BCO1: variants seen among roughly 807,000 people sequenced by gnomAD.
The protein encoded by BCO1 is beta,beta-carotene 15,15'-dioxygenase.
A neutral mutation model predicts 56.3 loss-of-function variants in BCO1; 54 were observed. The observed-to-expected ratio is 0.96, with a 90% confidence interval of 0.77 to 1.20. BCO1 has a LOEUF of 1.20. Among genes scored for constraint, BCO1 ranks in the 50% most tolerant of loss-of-function variants. BCO1 has a pLI of 0.00. For synonymous variants in BCO1, 318 were observed against 266.1 expected (o/e 1.20, Z -1.90); for missense variants, 801 against 690.9 (o/e 1.16, Z -1.79).
chr16:81,260,724 G>C (rs977166973), intron 3 of BCO1, among the ~76,000 whole-genome samples: 57 of 152,238 alleles, frequency 3.7e-4, no homozygotes, highest in Non-Finnish European at 7.5e-4. Flanking sequence ...GATCAGGCTG[G>C]TCTTGAACTC....
intron 2 of BCO1, among the ~76,000 whole-genome samples, chr16:81,248,405 C>CAAAA (rs372084002): frequency 7.0e-4 from 71 of 101,996 alleles, no homozygotes; most frequent in East Asian, 1.9e-3. Flanking sequence ...CTCCCTCTCA[C>CAAAA]AAAAAAAAAA....
At chr16:81,265,444 T>C (rs1597361295) in intron 5 of BCO1, among the ~76,000 whole-genome samples, 1 of 145,880 alleles carries the variant, frequency 6.9e-6, no homozygotes, top group African/African-American at 2.6e-5. Flanking sequence ...CATTCATCCA[T>C]CCACCCACCA....
At chr16:81,281,598 G>A (rs1473946741) in intron 8 of BCO1, among the ~76,000 whole-genome samples, 1 of 152,166 alleles carries the variant, frequency 6.6e-6, no homozygotes, top group Non-Finnish European at 1.5e-5. Flanking sequence ...TGCAAAAATA[G>A]GTGTTATCGG....
intron 4 of BCO1, 24 bp downstream of exon 4, chr16:81,262,307 A>C: frequency 6.2e-7 from 1 of 1,606,714 alleles, no homozygotes; most frequent in African/African-American, 1.3e-5. Flanking sequence ...TGTAACCAGC[A>C]TCACTTCCTG....
intron 2 of BCO1, among the ~76,000 whole-genome samples, chr16:81,259,471 G>A (rs934513146): frequency 6.6e-6 from 1 of 152,068 alleles, no homozygotes; most frequent in Admixed American, 6.6e-5. Flanking sequence ...TCCAGCCTGG[G>A]CAACAAGAGC....
chr16:81,248,322 G>C (rs1905550964), intron 2 of BCO1, among the ~76,000 whole-genome samples: 2 of 145,598 alleles, frequency 1.4e-5, no homozygotes, highest in South Asian at 4.3e-4. Context: ...AGAATCGCTT[G>C]AACTCGGGAG....
chr16:81,255,302 A>G (rs543106981), intron 2 of BCO1, among the ~76,000 whole-genome samples: 2 of 151,874 alleles, frequency 1.3e-5, no homozygotes, highest in African/African-American at 4.8e-5. Context: ...CCAGATTACC[A>G]CTCGCTAGCT....
intron 2 of BCO1, among the ~76,000 whole-genome samples, chr16:81,256,775 C>T (rs1458246859): frequency 2.0e-5 from 3 of 152,014 alleles, no homozygotes; most frequent in African/African-American, 7.2e-5. Flanking sequence ...GTAGTCCCAG[C>T]TATTTGGGAA....
At chr16:81,284,723 G>C (rs1209444953) in intron 8 of BCO1, among the ~76,000 whole-genome samples, 1 of 152,004 alleles carries the variant, frequency 6.6e-6, no homozygotes, top group African/African-American at 2.4e-5. Flanking sequence ...GGCCTCAAGC[G>C]ATCCTCCCAT....
rs1366579505 is a variant in BCO1, at chr16:81,290,717, A to T, written c.*140A>T. 1.5e-6 allele frequency: 1 copy of T among 658,806 alleles called. No individual in the cohort carries two copies. The highest frequency in any genetic ancestry group is 1.8e-5 in the African/African-American group (1 of 55,078). The allele number at this position is 658,806 out of a possible 1,614,324, so 40.8% of individuals were successfully genotyped here. A position where few individuals can be genotyped will look rare whatever the true frequency, so the allele number is the denominator to read the frequency against. On this transcript the variant is annotated 3_prime_UTR_variant, in exon 11 of 11. Coordinates refer to ENST00000258168, the MANE Select transcript of BCO1 (RefSeq NM_017429.3). ...TGCTTTGACAAGGGCATGGCAAGAG[A>T]GCTTGTCAGTATCATTTCTTTCATT...
rs1157544952 is a variant in BCO1, at chr16:81,285,351, G to T, written c.1208-189G>T. Among the ~76,000 whole-genome samples the T allele has an allele frequency of 3.3e-5, 5 of 152,158 alleles. No homozygotes were observed. The East Asian group carries it at 7.7e-4, about 23-fold the overall frequency. On this transcript the variant is annotated intron_variant, in intron 8 of 10. Coordinates refer to ENST00000258168, the MANE Select transcript of BCO1 (RefSeq NM_017429.3). ...TCCTGGACTCTCTAATAGAGCTGGG[G>T]TAATTAAATTACCAGAGGCTCCCTC...
Position 81,264,932 on chromosome 16 carries a change from C to G in BCO1, c.619+145C>G, listed in dbSNP as rs72833320. 0.071 allele frequency: 62,959 copies of G among 884,326 alleles called. 2,811 individuals are homozygous for G. Among genetic ancestry groups the G allele is most frequent in the Admixed American group, 0.12 (5,738 of 46,342 alleles). The allele number at this position is 884,326 out of a possible 1,614,324, so 54.8% of individuals were successfully genotyped here. A position where few individuals can be genotyped will look rare whatever the true frequency, so the allele number is the denominator to read the frequency against. ...AGGTGGACCATGAAGTCAGTACTTT[C>G]CTTTAGAAGAGAAGAGGAGATGCTG... On this transcript the variant is annotated intron_variant, in intron 5 of 10. Transcript: ENST00000258168.
rs796954071 is a variant in BCO1, at chr16:81,272,967, AT to A, written c.1101+2561del. Among the ~76,000 whole-genome samples the A allele has an allele frequency of 1.6e-3, 238 of 148,098 alleles. 2 individuals carry two copies. The highest frequency in any genetic ancestry group is 2.6e-3 in the African/African-American group (105 of 40,140). ...TGCCCCAGTCTGTCTCTAAACCCCC[AT>A]TTTTTTTTTCTTTTTGTGGGGGATG... is the stretch of plus-strand genomic sequence containing the variant. On this transcript the variant is annotated intron_variant, in intron 7 of 10. Transcript: ENST00000258168.
rs1352101058 is a variant in BCO1, at chr16:81,273,056, G to A, written c.1101+2640G>A. Among the ~76,000 whole-genome samples, 5 of 152,048 alleles carry A rather than the reference G, an allele frequency of 3.3e-5. No homozygotes were observed. In the East Asian group the frequency reaches 5.8e-4, roughly 18 times the overall value. On this transcript the variant is annotated intron_variant, in intron 7 of 10. Coordinates refer to ENST00000258168, the MANE Select transcript of BCO1 (RefSeq NM_017429.3). ...TTAATCTCGGCTCACTGCAATCTCC[G>A]CCTCCTGGGTTCTAGCGATTCTCCT...
intron 9 of BCO1, 132 bp downstream of exon 9, chr16:81,285,766 T>G (rs1295362463): frequency 8.0e-6 from 6 of 747,680 alleles, no homozygotes; most frequent in Non-Finnish European, 1.4e-5. Context: ...TAAAATAAAT[T>G]TGAAGTAAGG....
intron 7 of BCO1, among the ~76,000 whole-genome samples, chr16:81,272,293 A>AT (rs201933399): frequency 6.7e-6 from 1 of 148,584 alleles, no homozygotes; most frequent in African/African-American, 2.5e-5. Flanking sequence ...TTTTTTTTGT[A>AT]TTTTTTAGTA....
intron 2 of BCO1, among the ~76,000 whole-genome samples, chr16:81,249,719 A>G (rs560624245): frequency 5.3e-5 from 8 of 152,254 alleles, no homozygotes; most frequent in African/African-American, 1.4e-4. Flanking sequence ...TTTATTCACA[A>G]TCTGGCATTG....
rs1298135214 is a variant in BCO1, at chr16:81,290,407, C to T, written c.1474C>T (p.Leu492=). 1 of 1,614,192 alleles carries T rather than the reference C, an allele frequency of 6.2e-7. No homozygotes were observed. The highest frequency in any genetic ancestry group is 8.5e-7 in the Non-Finnish European group (1 of 1,180,046). Residue 492 remains leucine (L), a synonymous_variant, in exon 11 of 11, where the codon CTG becomes TTG. Coordinates refer to ENST00000258168, the MANE Select transcript of BCO1 (RefSeq NM_017429.3). The part of the protein sequence containing the change: ...DPQKLPFLLI[L]DAKSFTELAR... ...CCAAAAGCTGCCTTTTCTGCTCATT[C>T]TGGATGCCAAAAGCTTTACGGAATT... is the stretch of plus-strand genomic sequence containing the variant.
At chr16:81,276,725 G>A (rs1018235155) in intron 7 of BCO1, among the ~76,000 whole-genome samples, 1 of 152,288 alleles carries the variant, frequency 6.6e-6, no homozygotes, top group East Asian at 1.9e-4. Flanking sequence ...AAATGTGGCT[G>A]GTGCAGCTAA....
Sources: gnomAD v4.1 joint callset for allele counts (sites outside exome capture counted in the v4.1 genomes callset) on GRCh38, gnomAD v4.1.1 for gene constraint, MANE v1.5 for transcripts, NCBI Gene and HGNC (gene_info 2026-07-23, HGNC 2026-07-21) for gene names.